PDCD11: variants seen among roughly 807,000 people sequenced by gnomAD.
PDCD11 encodes the protein protein RRP5 homolog.
PDCD11 carries 97 observed loss-of-function variants against 198.9 expected under a neutral mutation model. The ratio of observed to expected loss-of-function variants is 0.49; its 90% CI spans 0.41 to 0.58. The LOEUF is 0.58. Ranked by LOEUF, PDCD11 falls within the 20% of genes least tolerant of loss-of-function variation. The pLI, the probability that PDCD11 is intolerant of heterozygous loss-of-function variation, is 0.00. For missense variants in PDCD11, 2,102 were observed against 2,312.7 expected (o/e 0.91, Z 1.87); for synonymous variants, 893 against 918.0 (o/e 0.97, Z 0.49).
chr10:103,403,506 G>A (rs1039549989), intron 4 of PDCD11, among the ~76,000 whole-genome samples: 2 of 152,154 alleles, frequency 1.3e-5, no homozygotes, highest in Admixed American at 6.5e-5. Context: ...AAGAAGGAAA[G>A]GCGTTCAGGC....
chr10:103,432,108 A>G, intron 21 of PDCD11, 21 bp from the exon 22 acceptor site: 1 of 1,564,766 alleles, frequency 6.4e-7, no homozygotes. Context: ...TTTACTGTTT[A>G]CATTTCCTTT....
chr10:103,413,695 G>A (rs1451286263), intron 9 of PDCD11, among the ~76,000 whole-genome samples: 1 of 152,184 alleles, frequency 6.6e-6, no homozygotes, highest in Non-Finnish European at 1.5e-5. Context: ...GTACGTAAAT[G>A]AACAGATGGC....
chr10:103,435,051 T>A, intron 25 of PDCD11, 76 bp downstream of exon 25: 1 of 1,118,604 alleles, frequency 8.9e-7, no homozygotes, highest in Non-Finnish European at 1.2e-6. Context: ...TTGTAATACA[T>A]GACTTTTTAT....
intron 21 of PDCD11, among the ~76,000 whole-genome samples, chr10:103,431,651 T>A (rs1169817515): frequency 1.5e-5 from 2 of 137,508 alleles, no homozygotes; most frequent in Admixed American, 1.4e-4. Flanking sequence ...AAAAAAAAAA[T>A]CAAGAAAATG....
At chr10:103,438,130 G>A in intron 26 of PDCD11, 59 bp downstream of exon 26, 2 of 1,401,600 alleles carry the variant, frequency 1.4e-6, no homozygotes, top group Admixed American at 1.7e-5. Context: ...ATCAAGGGGA[G>A]GCTACGTGTA....
intron 28 of PDCD11, 90 bp from the exon 29 acceptor site, chr10:103,440,200 T>C: frequency 1.3e-6 from 2 of 1,521,952 alleles, no homozygotes; most frequent in Non-Finnish European, 1.8e-6. Flanking sequence ...CCCAGAATCG[T>C]GGGCTGATCA....
intron 1 of PDCD11, among the ~76,000 whole-genome samples, chr10:103,397,833 T>C (rs530038864): frequency 3.3e-5 from 5 of 152,256 alleles, no homozygotes; most frequent in Non-Finnish European, 7.3e-5. Flanking sequence ...AGTTGTTTGA[T>C]AGGGAAATTG....
chr10:103,442,583 C>G, intron 32 of PDCD11, 123 bp downstream of exon 32: 1 of 1,010,030 alleles, frequency 9.9e-7, no homozygotes, highest in Non-Finnish European at 1.5e-6. Flanking sequence ...CACCAGGGGC[C>G]CATGGGTCCT....
Position 103,422,055 on chromosome 10 carries a change from T to TTTATTATTA in PDCD11, c.2497+524_2497+532dup, listed in dbSNP as rs201558637. Among the ~76,000 whole-genome samples, 416 of 127,454 alleles carry TTTATTATTA rather than the reference T, an allele frequency of 3.3e-3. 3 individuals carry two copies. Among genetic ancestry groups the TTTATTATTA allele is most frequent in the East Asian group, 0.011 (51 of 4,472 alleles). The allele number at this position is 127,454 out of a possible 152,430, so 83.6% of individuals were successfully genotyped here. On this transcript the variant is annotated intron_variant, in intron 17 of 35. Coordinates refer to ENST00000369797, the MANE Select transcript of PDCD11 (RefSeq NM_014976.2). The stretch of plus-strand genomic sequence containing the variant: ...GTATGACCTGCATAAAGTGCACAAT[T>TTTATTATTA]TTATTATTATTATTATTATTATTAT...
chr10:103,439,693 G>A, intron 27 of PDCD11, 53 bp from the exon 28 acceptor site: 2 of 1,610,266 alleles, frequency 1.2e-6, no homozygotes, highest in East Asian at 2.2e-5. Context: ...AGGCCTGGTT[G>A]GAATTCTGTT....
chr10:103,425,244 G>A lies in PDCD11; in HGVS notation c.3024G>A (p.Lys1008=). 8 of 1,614,128 alleles carry A rather than the reference G, an allele frequency of 5.0e-6. No homozygotes were observed. The highest frequency in any genetic ancestry group is 6.8e-6 in the Non-Finnish European group (8 of 1,180,024). ...AGAGGACCATGAGGCCGACCCAGAA[G>A]GACTCTGAGACAGTTGATGAGGATG... The part of the protein sequence containing the change: ...AAKRTMRPTQ[K]DSETVDEDEE... Residue 1008 remains lysine, a synonymous_variant, in exon 20 of 36, where the codon AAG becomes AAA. Transcript: ENST00000369797.
At chr10:103,407,282 C>T (rs1165523532) in intron 7 of PDCD11, among the ~76,000 whole-genome samples, 1 of 152,020 alleles carries the variant, frequency 6.6e-6, no homozygotes, top group East Asian at 1.9e-4. Flanking sequence ...TTTGGTCTCT[C>T]TTTTTTTAAT....
intron 20 of PDCD11, among the ~76,000 whole-genome samples, chr10:103,426,282 A>G (rs1371653297): frequency 6.6e-6 from 1 of 152,148 alleles, no homozygotes; most frequent in African/African-American, 2.4e-5. Flanking sequence ...CTAGTGCCAC[A>G]TGTTACTGTA....
chr10:103,400,656 C>A, intron 3 of PDCD11, 128 bp downstream of exon 3: 1 of 925,452 alleles, frequency 1.1e-6, no homozygotes, highest in Non-Finnish European at 1.6e-6. Context: ...ATATTTCATG[C>A]GTGTGTGTGT....
intron 22 of PDCD11, among the ~76,000 whole-genome samples, chr10:103,432,934 G>A (rs1410656041): frequency 6.6e-6 from 1 of 152,146 alleles, no homozygotes; most frequent in African/African-American, 2.4e-5. Context: ...ATTCATGCTG[G>A]TTTCTACATC....
Position 103,444,507 on chromosome 10 carries a change from C to T in PDCD11, c.5279-10C>T, listed in dbSNP as rs2032516242. 1 of 1,613,764 alleles carries T rather than the reference C, an allele frequency of 6.2e-7. No individual in the cohort carries two copies. Among genetic ancestry groups the T allele is most frequent in the African/African-American group, 1.3e-5 (1 of 74,926 alleles). ...GCTTGTTGGGTCTCTGAGCAGTCCT[C>T]TCCCTGCAGATGTGGATGTCATTGC... On this transcript the variant is annotated splice_polypyrimidine_tract_variant and intron_variant, in intron 34 of 35. Coordinates refer to ENST00000369797, the MANE Select transcript of PDCD11 (RefSeq NM_014976.2).
rs1325916497 is a variant in PDCD11 at position 103,401,008 on chromosome 10, A to G, written c.234+480A>G. Among the ~76,000 whole-genome samples the G allele has an allele frequency of 2.6e-5, 4 of 151,810 alleles. No individual in the cohort carries two copies. In the East Asian group the frequency reaches 5.8e-4, roughly 22 times the overall value. ...GTGCTCAAGCAATCCTCCTGCCTCAACCTCCCGAAGTGTTGGGATTATAGA... is the reference window on the plus strand; with the variant it reads ...GTGCTCAAGCAATCCTCCTGCCTCAGCCTCCCGAAGTGTTGGGATTATAGA... On this transcript the variant is annotated intron_variant, in intron 3 of 35. Coordinates refer to ENST00000369797, the MANE Select transcript of PDCD11 (RefSeq NM_014976.2).
Position 103,442,375 on chromosome 10 carries a change from C to T in PDCD11, c.4870C>T (p.Gln1624Ter), listed in dbSNP as rs1318516498. The change falls in exon 32 of 36, where the codon CAG (glutamine) becomes TAG (stop). Residue 1624 changes from glutamine (Q) to a stop codon, truncating the protein, a stop_gained. Coordinates refer to ENST00000369797, the MANE Select transcript of PDCD11 (RefSeq NM_014976.2). LOFTEE classifies it high-confidence loss of function. ...SSPNSSILWL[Q>*]YMAFHLQATE... ...CCCCAACAGCTCCATTCTGTGGCTG[C>T]AGTACATGGCTTTCCACCTGCAGGC... 1.9e-6 allele frequency: 3 copies of T among 1,614,202 alleles called. No homozygotes were observed. Among genetic ancestry groups the T allele is most frequent in the Non-Finnish European group, 2.5e-6 (3 of 1,180,032 alleles).
At position 103,440,570 on chromosome 10, in the gene PDCD11, G is replaced by A; in HGVS notation, c.4429G>A (p.Gly1477Arg). Residue 1477 changes from glycine (G) to arginine (R), a missense_variant, in exon 29 of 36, where the codon GGG (glycine) becomes AGG (arginine). Physicochemically the swap from Gly to Arg is moderately radical, Grantham distance 125. Transcript: ENST00000369797. ...GGGCGGGCGGGAGTGCCGGGAGTCT[G>A]GGAGTGAGCAGGTGAGGTCCTGCGG... Reference protein sequence around the residue: ...KRGGRECRESGSEQERVSKKP... With the variant: ...KRGGRECRESRSEQERVSKKP... 2.5e-6 allele frequency: 4 copies of A among 1,611,382 alleles called. No homozygotes were observed. Among genetic ancestry groups the A allele is most frequent in the Non-Finnish European group, 3.4e-6 (4 of 1,179,630 alleles).
Sources: gnomAD v4.1 joint callset for allele counts (sites outside exome capture counted in the v4.1 genomes callset) on GRCh38, gnomAD v4.1.1 for gene constraint, MANE v1.5 for transcripts, NCBI Gene and HGNC (gene_info 2026-07-23, HGNC 2026-07-21) for gene names.